The following PDCD2 variants were observed in gnomAD, a reference collection of about 807,000 sequenced individuals.
PDCD2 encodes programmed cell death 2.
In PDCD2, 38 loss-of-function variants were observed where a neutral mutation model predicts 38.1. The ratio of observed to expected loss-of-function variants is 1.00; its 90% CI spans 0.77 to 1.31. The LOEUF (loss-of-function observed/expected upper bound fraction) is 1.31. PDCD2 is among the 50% of genes most tolerant of loss of function. The probability of loss-of-function intolerance (pLI) is 0.00; values close to 1 mark genes in which losing one functional copy is unlikely to be tolerated. For synonymous variants in PDCD2, 205 were observed against 168.9 expected (o/e 1.21, Z -1.66); for missense variants, 473 against 435.7 (o/e 1.09, Z -0.76).
At chr6:170,583,288 T>G in intron 2 of PDCD2, 100 bp from the exon 3 acceptor site, 1 of 979,032 alleles carries the variant, frequency 1.0e-6, no homozygotes, top group East Asian at 2.4e-5. Flanking sequence ...AGTTCTGGCA[T>G]TTTAGATAAA....
intron 5 of PDCD2, 88 bp downstream of exon 5, chr6:170,578,768 CA>C: frequency 3.6e-6 from 3 of 833,756 alleles, no homozygotes; most frequent in Non-Finnish European, 6.4e-6. Context: ...CATGTTGACC[CA>C]TGTGCACAAA....
In PDCD2 at chr6:170,584,028, T is replaced by G. The variant is rs954046842; in HGVS notation, c.283+271A>C. Reference sequence around the variant, plus strand: ...ACTGGGATCCATCTTTCCAAGACAATTTCTATTATCTGAATTAACACCATA... The same window carrying G: ...ACTGGGATCCATCTTTCCAAGACAAGTTCTATTATCTGAATTAACACCATA... On this transcript the variant is annotated intron_variant, in intron 1 of 5. Transcript: ENST00000541970. 4 of 543,134 alleles carry G rather than the reference T, an allele frequency of 7.4e-6. No individual in the cohort carries two copies. The African/African-American group carries it at 7.8e-5, about 11-fold the overall frequency. The allele number at this position is 543,134 out of a possible 1,614,324, so 33.6% of individuals were successfully genotyped here.
rs1260153564 is a variant in PDCD2, at chr6:170,584,482, G to A, written c.100C>T (p.Arg34Trp). 10 of 1,316,340 alleles carry A rather than the reference G, an allele frequency of 7.6e-6. No individual in the cohort carries two copies. In the East Asian group the frequency reaches 2.2e-4, roughly 29 times the overall value. 81.5% of individuals were successfully genotyped at this position (1,316,340 alleles called of 1,614,324 possible). Reference sequence around the variant, plus strand: ...CCGGCCGCGCCCAGCCATGCCGGCCGCCCGCCCACCTTGCTGGGGAACTGC... The same window carrying A: ...CCGGCCGCGCCCAGCCATGCCGGCCACCCGCCCACCTTGCTGGGGAACTGC... ...SEQFPSKVGG[R>W]PAWLGAAGLP... Residue 34 changes from arginine (R) to tryptophan (W), a missense_variant, in exon 1 of 6, where the codon CGG becomes TGG. Arg to Trp is a moderately radical substitution (Grantham distance 101). Transcript: ENST00000541970.
In PDCD2 at chr6:170,584,184, G is replaced by C. The variant is rs1008084536; in HGVS notation, c.283+115C>G. ...GCTCCTGGGGCAGCGCGGAGAGGGA[G>C]CTCTGAGGCTGGGGCGGCAGCGGTG... On this transcript the variant is annotated intron_variant, in intron 1 of 5. Coordinates refer to ENST00000541970, the MANE Select transcript of PDCD2 (RefSeq NM_002598.4). 1.4e-5 allele frequency: 16 copies of C among 1,138,028 alleles called. No homozygotes were observed. In the African/African-American group the frequency reaches 2.4e-4, roughly 17 times the overall value. 70.5% of individuals were successfully genotyped at this position (1,138,028 alleles called of 1,614,324 possible). A position where few individuals can be genotyped will look rare whatever the true frequency, so the allele number is the denominator to read the frequency against.
Position 170,584,618 on chromosome 6 carries a change from TG to T in PDCD2, c.-38del. On this transcript the variant is annotated 5_prime_UTR_variant, in exon 1 of 6. Transcript: ENST00000541970. ...GCTGGCGTGGGGCGCAGCCCACAGCTGGGTCGGAAGGCGGAAATCGGGCGCC... is the reference window on the plus strand; with the variant it reads ...GCTGGCGTGGGGCGCAGCCCACAGCTGGTCGGAAGGCGGAAATCGGGCGCC... 8.4e-7 allele frequency: 1 copy of T among 1,186,760 alleles called. No homozygotes were observed. Among genetic ancestry groups the T allele is most frequent in the Non-Finnish European group, 1.1e-6 (1 of 940,524 alleles). 73.5% of individuals were successfully genotyped at this position (1,186,760 alleles called of 1,614,324 possible).
In PDCD2 at chr6:170,580,119, G is replaced by T. The variant is rs772743025; in HGVS notation, c.659-14C>A. 1 of 1,502,350 alleles carries T rather than the reference G, an allele frequency of 6.7e-7. No homozygotes were observed. Among genetic ancestry groups the T allele is most frequent in the Non-Finnish European group, 9.3e-7 (1 of 1,080,912 alleles). 93.1% of individuals were successfully genotyped at this position (1,502,350 alleles called of 1,614,324 possible). ...CAAGTGCTTCACCTGAAAAATCAACGTAACTATTATGAAAAACAGGAGTAA... is the reference window on the plus strand; with the variant it reads ...CAAGTGCTTCACCTGAAAAATCAACTTAACTATTATGAAAAACAGGAGTAA... On this transcript the variant is annotated splice_polypyrimidine_tract_variant and intron_variant, in intron 3 of 5. Coordinates refer to ENST00000541970, the MANE Select transcript of PDCD2 (RefSeq NM_002598.4).
chr6:170,581,020 A>G (rs1269814075), intron 3 of PDCD2: 1 of 152,176 alleles, frequency 6.6e-6, no homozygotes, highest in African/African-American at 2.4e-5. Flanking sequence ...GACACTGTAA[A>G]TGCTGTTCCC....
At position 170,583,708 on chromosome 6, in the gene PDCD2, G is replaced by A. The variant is rs1038856281; in HGVS notation, c.323C>T (p.Ser108Leu). 2 of 1,613,154 alleles carry A rather than the reference G, an allele frequency of 1.2e-6. No homozygotes were observed. Among genetic ancestry groups the A allele is most frequent in the Non-Finnish European group, 1.7e-6 (2 of 1,179,278 alleles). ...NQLPRKNDFY[S>L]YEPPSENPPP... ...AGGATTCTCAGAAGGTGGCTCATAT[G>A]AGTAAAAATCGTTTTTCCTGGGTAG... is the stretch of plus-strand genomic sequence containing the variant. The change falls in exon 2 of 6, where the codon TCA becomes TTA. Residue 108 changes from serine (S) to leucine (L), a missense_variant. Ser to Leu is a moderately radical substitution (Grantham distance 145). Transcript: ENST00000541970.
rs1779447320 is a variant in PDCD2 at position 170,576,147 on chromosome 6, C to G, written c.*1412G>C. 6.6e-6 allele frequency: 1 copy of G among 152,194 alleles called. No individual in the cohort carries two copies. The highest frequency in any genetic ancestry group is 2.4e-5 in the African/African-American group (1 of 41,442). The allele number at this position is 152,194 out of a possible 1,614,324, so 9.4% of individuals were successfully genotyped here. On this transcript the variant is annotated 3_prime_UTR_variant, in exon 6 of 6. Coordinates refer to ENST00000541970, the MANE Select transcript of PDCD2 (RefSeq NM_002598.4). ...ATCCCAGGTTCGAAACTAGTATCCT[C>G]TAGCTCTTAAGTAGCTGATAACCTC...
chr6:170,583,745 A>C lies in PDCD2; in HGVS notation c.286T>G (p.Phe96Val), dbSNP rs749064967. The C allele has an allele frequency of 1.2e-6, 2 of 1,605,942 alleles. No homozygotes were observed. The highest frequency in any genetic ancestry group is 1.7e-6 in the Non-Finnish European group (2 of 1,174,224). Residue 96 changes from phenylalanine (F) to valine (V), a missense_variant and splice_region_variant, in exon 2 of 6, where the codon TTT becomes GTT. Phe to Val is a conservative substitution (Grantham distance 50). Coordinates refer to ENST00000541970, the MANE Select transcript of PDCD2 (RefSeq NM_002598.4). ...TTTTTCCTGGGTAGTTGATTCCTAA[A>C]AACTAAAAAAGAATACAGAGAAAAG... is the stretch of plus-strand genomic sequence containing the variant. ...EQPCCAGLRV[F>V]RNQLPRKNDF... is the part of the protein sequence containing the mutation.
In PDCD2 at chr6:170,576,236, T is replaced by C. The variant is rs1270947183; in HGVS notation, c.*1323A>G. ...TGCTATGTATAACTATCTTATACAA[T>C]TAATACAAATTGCATATGTATACTT... On this transcript the variant is annotated 3_prime_UTR_variant, in exon 6 of 6. Transcript: ENST00000541970. 2 of 152,256 alleles carry C rather than the reference T, an allele frequency of 1.3e-5. No homozygotes were observed. Among genetic ancestry groups the C allele is most frequent in the Non-Finnish European group, 2.9e-5 (2 of 68,048 alleles). 9.4% of individuals were successfully genotyped at this position (152,256 alleles called of 1,614,324 possible). A position where few individuals can be genotyped will look rare whatever the true frequency, so the allele number is the denominator to read the frequency against.
At chr6:170,580,129 T>G in intron 3 of PDCD2, 24 bp from the exon 4 acceptor site, 2 of 1,403,962 alleles carry the variant, frequency 1.4e-6, no homozygotes, top group Non-Finnish European at 2.0e-6. Context: ...GTAACTATTA[T>G]GAAAAACAGG....
At chr6:170,582,342 A>G (rs907868640) in intron 3 of PDCD2, 28 of 1,534,970 alleles carry the variant, frequency 1.8e-5, no homozygotes, top group African/African-American at 6.8e-5. Flanking sequence ...ATGAACTACA[A>G]ACCAGTAAGC....
At chr6:170,578,079 A>G (rs369284639) in intron 5 of PDCD2, among the ~76,000 whole-genome samples, 2 of 152,234 alleles carry the variant, frequency 1.3e-5, no homozygotes, top group East Asian at 3.8e-4. Flanking sequence ...CTAGTAATGA[A>G]TACAGAAAGG....
At chr6:170,584,276 C>CCGGCCCCGTT (rs2115020339) in intron 1 of PDCD2, 23 bp downstream of exon 1, 4 of 1,403,482 alleles carry the variant, frequency 2.9e-6, no homozygotes, top group East Asian at 5.5e-5. Context: ...ATGGCCCCGT[C>CCGGCCCCGTT]CCGACCCCGT....
rs1457847714 is a variant in PDCD2 at position 170,577,574 on chromosome 6, TA to T, written c.1019del (p.Val340GlufsTer12). ...TAAGATGCCTTTACGGTGTATCTGT[TA>T]CATCCTGCTTCCACACAAATTCTTC... ...YTEEFVWKQDVTDTP is the reference protein window; with the variant it reads ...YTEEFVWKQDXTDTP On this transcript the variant is annotated frameshift_variant, in exon 6 of 6. Coordinates refer to ENST00000541970, the MANE Select transcript of PDCD2 (RefSeq NM_002598.4). LOFTEE classifies it high-confidence loss of function. 2 of 1,613,944 alleles carry T rather than the reference TA, an allele frequency of 1.2e-6. No individual in the cohort carries two copies. Among genetic ancestry groups the T allele is most frequent in the African/African-American group, 2.7e-5 (2 of 74,928 alleles).
intron 3 of PDCD2, chr6:170,582,710 G>T: frequency 4.1e-6 from 5 of 1,219,710 alleles, no homozygotes; most frequent in Non-Finnish European, 5.1e-6. Context: ...ACTTTTAAGG[G>T]GCCCTTCTGC....
rs375838507 is a variant in PDCD2, at chr6:170,583,150, A to G, written c.565T>C (p.Phe189Leu). 5.0e-6 allele frequency: 8 copies of G among 1,612,910 alleles called. No homozygotes were observed. Among genetic ancestry groups the G allele is most frequent in the African/African-American group, 4.0e-5 (3 of 74,886 alleles). ...TCTATTACAATTTCAAATTCTGGAA[A>G]AAGGAAGTTGTGGTCTGGAATTATA... ...DHIIPDHNFL[F>L]PEFEIVIETE... Residue 189 changes from phenylalanine to leucine, a missense_variant, in exon 3 of 6, where the codon TTT becomes CTT. Physicochemically the swap from Phe to Leu is conservative, Grantham distance 22. Coordinates refer to ENST00000541970, the MANE Select transcript of PDCD2 (RefSeq NM_002598.4).
In PDCD2 at chr6:170,578,976, A is replaced by C. The variant is rs557666815; in HGVS notation, c.763-6T>G. On this transcript the variant is annotated splice_polypyrimidine_tract_variant and splice_region_variant and intron_variant, in intron 4 of 5. Coordinates refer to ENST00000541970, the MANE Select transcript of PDCD2 (RefSeq NM_002598.4). The stretch of plus-strand genomic sequence containing the variant: ...CCTCTGCCATATCTAAGAATCTAAA[A>C]TCAATGAAGATCATGTTCAAATAAT... The C allele has an allele frequency of 6.7e-7, 1 of 1,483,880 alleles. No homozygotes were observed. The highest frequency in any genetic ancestry group is 1.2e-5 in the South Asian group (1 of 83,700). The allele number at this position is 1,483,880 out of a possible 1,614,324, so 91.9% of individuals were successfully genotyped here. A position where few individuals can be genotyped will look rare whatever the true frequency, so the allele number is the denominator to read the frequency against.
Sources: allele counts gnomAD v4.1 joint callset (sites outside exome capture counted in the v4.1 genomes callset), GRCh38; gene constraint gnomAD v4.1.1; transcripts MANE v1.5; gene names NCBI Gene and HGNC (gene_info 2026-07-23, HGNC 2026-07-21).